MYO7A: variants seen among roughly 807,000 people sequenced by gnomAD.
MYO7A encodes the protein myosin VIIA.
Under a neutral mutation model 263.8 loss-of-function variants are expected in MYO7A, and 210 were observed. That is an observed-to-expected ratio of 0.80 (90% CI 0.71 to 0.89). The LOEUF (loss-of-function observed/expected upper bound fraction) is 0.89. MYO7A is among the 40% of genes least tolerant of loss of function. The pLI, the probability that MYO7A is intolerant of heterozygous loss-of-function variation, is 0.00. For synonymous variants in MYO7A, 1,239 were observed against 1,197.3 expected, an observed-to-expected ratio of 1.03 and a Z score of -0.72; for missense variants, 2,820 against 2,968.3, an observed-to-expected ratio of 0.95 and a Z score of 1.16.
chr11:77,135,986 A>C (rs1451879176), intron 2 of MYO7A, among the ~76,000 whole-genome samples: 2 of 152,298 alleles, frequency 1.3e-5, no homozygotes, highest in East Asian at 3.9e-4. Flanking sequence ...AGTGCCATCA[A>C]ACTCCTGCCT....
rs544100095 is a variant in MYO7A, at chr11:77,182,058, C to T, written c.3012C>T (p.Phe1004=). The change falls in exon 24 of 49, where the codon TTC becomes TTT. Residue 1004 remains phenylalanine, a synonymous_variant. Transcript: ENST00000409709. ...EDLSEYKFAK[F]AATYFQGTTT... is the part of the protein sequence containing the mutation. ...TCTCTGAGTATAAATTTGCCAAGTT[C>T]GCGGCCACCTACTTCCAGGGGACAA... 46 of 1,613,502 alleles carry T rather than the reference C, an allele frequency of 2.9e-5. No individual in the cohort carries two copies. The highest frequency in any genetic ancestry group is 2.3e-4 in the African/African-American group (17 of 75,006).
At chr11:77,206,045 G>C in intron 40 of MYO7A, 52 bp from the exon 41 acceptor site, 3 of 1,410,882 alleles carry the variant, frequency 2.1e-6, no homozygotes, top group Non-Finnish European at 3.0e-6. Flanking sequence ...CCGGTCCCCT[G>C]GTCTCCACAG....
rs1555051176 is a variant in MYO7A at position 77,142,500 on chromosome 11, C to G, written c.19-209C>G. The G allele has an allele frequency of 4.7e-6, 3 of 632,452 alleles. No individual in the cohort carries two copies. In the Admixed American group the frequency reaches 6.3e-5, roughly 13 times the overall value. 39.2% of individuals were successfully genotyped at this position (632,452 alleles called of 1,614,324 possible). On this transcript the variant is annotated intron_variant, in intron 2 of 48. Coordinates refer to ENST00000409709, the MANE Select transcript of MYO7A (RefSeq NM_000260.4). ...TCCATAAAATGGGAATATGGCTGTT[C>G]TAGAGGGGGGATTGATGAGATTGCA...
At position 77,166,083 on chromosome 11, in the gene MYO7A, T is replaced by C. The variant is rs1490349951; in HGVS notation, c.1718T>C (p.Leu573Pro). The C allele has an allele frequency of 6.2e-7, 1 of 1,613,670 alleles. No individual in the cohort carries two copies. Among genetic ancestry groups the C allele is most frequent in the Non-Finnish European group, 8.5e-7 (1 of 1,179,840 alleles). ...TTCCTGGAGAAGAACCGAGACACCC[T>C]GCATGGGGACATTATCCAGCTGGTC... is the stretch of plus-strand genomic sequence containing the variant. Reference protein sequence around the residue: ...QGFLEKNRDTLHGDIIQLVHS... With the variant: ...QGFLEKNRDTPHGDIIQLVHS... The change falls in exon 15 of 49, where the codon CTG becomes CCG. Residue 573 changes from leucine to proline, a missense_variant. Leu to Pro is a moderately conservative substitution (Grantham distance 98). Transcript: ENST00000409709.
chr11:77,185,379 A>C (rs911085484), intron 27 of MYO7A, among the ~76,000 whole-genome samples: 1 of 152,222 alleles, frequency 6.6e-6, no homozygotes, highest in Admixed American at 6.5e-5. Context: ...AATTAAGTTG[A>C]TGCAATATTC....
intron 18 of MYO7A, among the ~76,000 whole-genome samples, chr11:77,175,880 G>C (rs74663976): frequency 6.1e-4 from 93 of 152,330 alleles, no homozygotes; most frequent in African/African-American, 2.2e-3. Context: ...GGCCCATCCC[G>C]TGCTGGGGTC....
chr11:77,168,738 G>T (rs548860878), intron 15 of MYO7A, among the ~76,000 whole-genome samples: 1 of 152,134 alleles, frequency 6.6e-6, no homozygotes, highest in Non-Finnish European at 1.5e-5. Context: ...GTTGGAGGCC[G>T]CAGTGAGTTG....
At position 77,191,415 on chromosome 11, in the gene MYO7A, G is replaced by A. The variant is rs183966800; in HGVS notation, c.3924+545G>A. 1.1e-4 allele frequency among the ~76,000 whole-genome samples: 17 copies of A among 152,368 alleles called. 2 individuals carry two copies. The highest frequency in any genetic ancestry group is 4.1e-4 in the African/African-American group (17 of 41,596). On this transcript the variant is annotated intron_variant, in intron 30 of 48. Transcript: ENST00000409709. ...CCTCAGTCCTGTGTCCTCAGGCCCA[G>A]TGAATCCTCTCCTGGTGCTGAAGGA...
intron 2 of MYO7A, among the ~76,000 whole-genome samples, chr11:77,139,042 T>C (rs1031458646): frequency 1.6e-4 from 25 of 152,196 alleles, no homozygotes; most frequent in African/African-American, 6.0e-4. Context: ...CGAGACCGGC[T>C]TGATGCCTGG....
chr11:77,176,145 T>C (rs1256798286), intron 18 of MYO7A, among the ~76,000 whole-genome samples: 1 of 151,978 alleles, frequency 6.6e-6, no homozygotes. Context: ...TCCTCTGGTG[T>C]GGGGGGTGGG....
intron 12 of MYO7A, 93 bp downstream of exon 12, chr11:77,161,208 C>A: frequency 1.4e-6 from 2 of 1,480,034 alleles, no homozygotes; most frequent in South Asian, 1.2e-5. Context: ...ATTTAGTTGG[C>A]TCCTGGCACA....
At chr11:77,173,583 G>T (rs560206105) in intron 16 of MYO7A, among the ~76,000 whole-genome samples, 1 of 152,162 alleles carries the variant, frequency 6.6e-6, no homozygotes, top group Non-Finnish European at 1.5e-5. Flanking sequence ...CTCGCTGCGA[G>T]CCCTCTCCTT....
Position 77,211,284 on chromosome 11 carries a change from G to T in MYO7A, c.6184G>T (p.Glu2062Ter), listed in dbSNP as rs530700420. ...YFPSIPKLLR[E>*]LVPQDLIRQV... is the part of the protein sequence containing the mutation. ...CCCCAGCATCCCCAAGCTGCTGCGGGAGCTGGTGCCCCAGGACCTTATCCG... is the reference window on the plus strand; with the variant it reads ...CCCCAGCATCCCCAAGCTGCTGCGGTAGCTGGTGCCCCAGGACCTTATCCG... The change falls in exon 45 of 49, where the codon GAG becomes TAG. Residue 2062 changes from glutamate to a stop codon, truncating the protein, a stop_gained. Coordinates refer to ENST00000409709, the MANE Select transcript of MYO7A (RefSeq NM_000260.4). LOFTEE classifies it high-confidence loss of function. 6.3e-7 allele frequency: 1 copy of T among 1,581,968 alleles called. No individual in the cohort carries two copies. Among genetic ancestry groups the T allele is most frequent in the Non-Finnish European group, 8.6e-7 (1 of 1,164,290 alleles).
At chr11:77,159,403 G>GGCCCCCCCC in intron 9 of MYO7A, 44 bp from the exon 10 acceptor site, 4 of 711,716 alleles carry the variant, frequency 5.6e-6, no homozygotes, top group Admixed American at 1.9e-5. Context: ...TGCCCCTGTT[G>GGCCCCCCCC]CCCACCCTCC....
At chr11:77,150,524 C>T (rs781959792) in intron 4 of MYO7A, among the ~76,000 whole-genome samples, 20 of 152,150 alleles carry the variant, frequency 1.3e-4, no homozygotes, top group Non-Finnish European at 2.4e-4. Flanking sequence ...TATGGGTTCT[C>T]CAGAAAGGCC....
At position 77,204,221 on chromosome 11, in the gene MYO7A, C is replaced by G; in HGVS notation, c.5472C>G (p.Asn1824Lys). ...YVQILKQLTDNHIRYSEERGW... is the reference protein window; with the variant it reads ...YVQILKQLTDKHIRYSEERGW... ...AGATCCTGAAGCAGCTGACCGACAACCACATCAGGTGAGCCAGGCACAGTG... is the reference window on the plus strand; with the variant it reads ...AGATCCTGAAGCAGCTGACCGACAAGCACATCAGGTGAGCCAGGCACAGTG... Residue 1824 changes from asparagine (N) to lysine (K), a missense_variant, in exon 39 of 49, where the codon AAC becomes AAG. Transcript: ENST00000409709. 1 of 1,573,536 alleles carries G rather than the reference C, an allele frequency of 6.4e-7. No homozygotes were observed. Among genetic ancestry groups the G allele is most frequent in the Non-Finnish European group, 8.6e-7 (1 of 1,159,796 alleles).
At position 77,155,978 on chromosome 11, in the gene MYO7A, C is replaced by A. The variant is rs1555061570; in HGVS notation, c.357C>A (p.Ile119=). The A allele has an allele frequency of 6.2e-7, 1 of 1,613,472 alleles. No homozygotes were observed. Among genetic ancestry groups the A allele is most frequent in the South Asian group, 1.1e-5 (1 of 90,840 alleles). The part of the protein sequence containing the change: ...QLLSIYSPEH[I]RQYTNKKIGE... ...TCTCCATCTACTCGCCAGAGCACAT[C>A]CGCCAGTATACCAACAAGAAGATTG... is the stretch of plus-strand genomic sequence containing the variant. Residue 119 remains isoleucine, a synonymous_variant, in exon 5 of 49, where the codon ATC becomes ATA. Transcript: ENST00000409709.
chr11:77,212,733 G>T (rs1957962689), intron 46 of MYO7A: 1 of 597,818 alleles, frequency 1.7e-6, no homozygotes, highest in Non-Finnish European at 3.0e-6. Flanking sequence ...TGAGAGGGAG[G>T]ACAAAGCAGA....
chr11:77,201,237 T>G (rs1957043381), intron 35 of MYO7A, among the ~76,000 whole-genome samples: 1 of 152,192 alleles, frequency 6.6e-6, no homozygotes, highest in South Asian at 2.1e-4. Context: ...AGTGTGGGGC[T>G]TCCTCCCAAG....
Sources: allele counts gnomAD v4.1 joint callset (sites outside exome capture counted in the v4.1 genomes callset), GRCh38; gene constraint gnomAD v4.1.1; transcripts MANE v1.5; gene names NCBI Gene and HGNC (gene_info 2026-07-23, HGNC 2026-07-21).